CNIH3: variants seen among roughly 807,000 people sequenced by gnomAD.
CNIH3 encodes cornichon family AMPA receptor auxiliary protein 3, also known as protein cornichon homolog 3.
In CNIH3, 14 loss-of-function variants were observed where a neutral mutation model predicts 24.1. The ratio of observed to expected loss-of-function variants is 0.58; its 90% CI spans 0.38 to 0.91. The LOEUF is 0.91. Ranked by LOEUF, CNIH3 falls within the 40% of genes least tolerant of loss-of-function variation. The pLI is 0.00. For synonymous variants in CNIH3, 68 were observed against 73.8 expected, an observed-to-expected ratio of 0.92 and a Z score of 0.40; for missense variants, 178 against 196.8, an observed-to-expected ratio of 0.90 and a Z score of 0.57.
intron 3 of CNIH3, among the ~76,000 whole-genome samples, chr1:224,595,390 C>T (rs1167282482): frequency 2.0e-5 from 3 of 152,172 alleles, no homozygotes; most frequent in Non-Finnish European, 2.9e-5. Flanking sequence ...CGTTTTGGGG[C>T]ACCACAAATT....
chr1:224,587,730 G>A (rs1348011301), intron 5 of CNIH3, among the ~76,000 whole-genome samples: 1 of 152,064 alleles, frequency 6.6e-6, no homozygotes, highest in African/African-American at 2.4e-5. Flanking sequence ...CTTGAGCCCA[G>A]GAGTTTGAGA....
At chr1:224,457,957 G>C (rs913194304) in intron 1 of CNIH3, among the ~76,000 whole-genome samples, 2 of 152,158 alleles carry the variant, frequency 1.3e-5, no homozygotes, top group Non-Finnish European at 2.9e-5. Context: ...AGCTAGGTGT[G>C]GGGAGGAAGC....
intron 1 of CNIH3, among the ~76,000 whole-genome samples, chr1:224,635,924 C>T (rs1401820712): frequency 3.9e-5 from 6 of 152,118 alleles, no homozygotes; most frequent in East Asian, 1.9e-4. Flanking sequence ...CCGTTGCCCA[C>T]GTTGATCTTG....
chr1:224,614,208 G>A (rs992516325), upstream of CNIH3, among the ~76,000 whole-genome samples: 2 of 152,088 alleles, frequency 1.3e-5, no homozygotes, highest in African/African-American at 4.8e-5. Context: ...ATGCAAGAAC[G>A]GCCTAATACA....
chr1:224,667,162 C>G (rs1461174097), intron 1 of CNIH3, among the ~76,000 whole-genome samples: 1 of 152,044 alleles, frequency 6.6e-6, no homozygotes, highest in Non-Finnish European at 1.5e-5. Context: ...TGGCACAGTC[C>G]CAGATACTGG....
At chr1:224,700,733 A>G (rs1231102226) in intron 3 of CNIH3, among the ~76,000 whole-genome samples, 3 of 152,176 alleles carry the variant, frequency 2.0e-5, no homozygotes, top group African/African-American at 7.2e-5. Flanking sequence ...CTGCCTCTCC[A>G]TGCTACCACA....
intron 1 of CNIH3, among the ~76,000 whole-genome samples, chr1:224,647,921 T>C (rs1684689240): frequency 6.6e-6 from 1 of 152,184 alleles, no homozygotes; most frequent in Non-Finnish European, 1.5e-5. Context: ...TCAGCCAGGC[T>C]TTGGAACTGT....
At chr1:224,612,228 C>A (rs1682734297), upstream of CNIH3, among the ~76,000 whole-genome samples, 1 of 152,106 alleles carries the variant, frequency 6.6e-6, no homozygotes, top group South Asian at 2.1e-4. This position sits in a 1 kb window ranked among gnomAD's most constrained non-coding sequence, Gnocchi z 4.7. Context: ...GCATCAAAGA[C>A]CTAATAAGAG....
At position 224,441,086 on chromosome 1, in the gene CNIH3, G is replaced by T. The variant is rs1469890210; in HGVS notation, n.203+6224G>T. 5.9e-5 allele frequency among the ~76,000 whole-genome samples: 9 copies of T among 152,170 alleles called. No homozygotes were observed. In the South Asian group the frequency reaches 1.9e-3, roughly 32 times the overall value. On this transcript the variant is annotated intron_variant and non_coding_transcript_variant, in intron 1 of 5. Transcript: ENST00000471578. ...CCCCCTCGGCCTCCCAAAGTGTTAGGATTACAGGCGTGAGCCACCGTGCCC... is the reference window on the plus strand; with the variant it reads ...CCCCCTCGGCCTCCCAAAGTGTTAGTATTACAGGCGTGAGCCACCGTGCCC...
rs536803463 is a variant in CNIH3 at position 224,711,339 on chromosome 1, A to G, written c.199-19123A>G. 3.6e-3 allele frequency among the ~76,000 whole-genome samples: 493 copies of G among 135,470 alleles called. 3 individuals are homozygous for G. The highest frequency in any genetic ancestry group is 6.4e-3 in the Non-Finnish European group (405 of 63,404). The allele number at this position is 135,470 out of a possible 152,430, so 88.9% of individuals were successfully genotyped here. A position where few individuals can be genotyped will look rare whatever the true frequency, so the allele number is the denominator to read the frequency against. ...CTCTCTCTCTCTTTTTTTTTTTTGG[A>G]GACAGGGTTTTTGTTCTGTCGCCCA... On this transcript the variant is annotated intron_variant, in intron 3 of 5. Transcript: ENST00000272133.
chr1:224,485,993 C>T (rs191441279), intron 1 of CNIH3, among the ~76,000 whole-genome samples: 14 of 152,106 alleles, frequency 9.2e-5, no homozygotes, highest in Admixed American at 3.9e-4. Context: ...ATGGAAGGGA[C>T]GCTTTCCCTT....
intron 3 of CNIH3, among the ~76,000 whole-genome samples, chr1:224,594,673 G>A (rs775303687): frequency 6.6e-6 from 1 of 152,124 alleles, no homozygotes; most frequent in African/African-American, 2.4e-5. Context: ...TTTTGGATTG[G>A]GCAATTTGCA....
intron 1 of CNIH3, among the ~76,000 whole-genome samples, chr1:224,492,462 A>G (rs937779994): frequency 6.6e-6 from 1 of 152,232 alleles, no homozygotes; most frequent in Non-Finnish European, 1.5e-5. Context: ...ATTGAGCCTA[A>G]GTAAATAACC....
At chr1:224,493,473 C>G (rs769576031) in intron 1 of CNIH3, among the ~76,000 whole-genome samples, 1 of 151,862 alleles carries the variant, frequency 6.6e-6, no homozygotes, top group Non-Finnish European at 1.5e-5. Flanking sequence ...CAACCTACCC[C>G]GAGGGCTCAA....
At chr1:224,683,856 A>G (rs1231160779) in intron 2 of CNIH3, among the ~76,000 whole-genome samples, 1 of 152,236 alleles carries the variant, frequency 6.6e-6, no homozygotes, top group African/African-American at 2.4e-5. Flanking sequence ...GCGTGTGCAC[A>G]TGTGAGGAGG....
At chr1:224,540,957 C>T (rs2124948840), downstream of CNIH3, among the ~76,000 whole-genome samples, 1 of 152,254 alleles carries the variant, frequency 6.6e-6, no homozygotes, top group East Asian at 1.9e-4. Flanking sequence ...AGATAGAACG[C>T]ATTTTCTTAT....
intron 1 of CNIH3, among the ~76,000 whole-genome samples, chr1:224,439,324 A>G (rs892592671): frequency 2.2e-4 from 34 of 152,202 alleles, no homozygotes; most frequent in African/African-American, 8.2e-4. Context: ...AGCAGTGAAC[A>G]GTTAGACATA....
At chr1:224,707,512 C>T (rs1687888775) in intron 3 of CNIH3, among the ~76,000 whole-genome samples, 1 of 129,562 alleles carries the variant, frequency 7.7e-6, no homozygotes, top group South Asian at 2.7e-4. Context: ...AGCTTTTCTT[C>T]TCTCTCTACT....
chr1:224,694,152 C>T (rs943606359), intron 3 of CNIH3, among the ~76,000 whole-genome samples: 4 of 152,236 alleles, frequency 2.6e-5, no homozygotes, highest in Admixed American at 6.5e-5. Context: ...CAGCTGCCAG[C>T]TCCTTTGCAG....
Sources: gnomAD v4.1 joint callset for allele counts (sites outside exome capture counted in the v4.1 genomes callset) on GRCh38, gnomAD v4.1.1 for gene constraint, Gnocchi (gnomAD v3.1) non-coding constraint, MANE v1.5 for transcripts, NCBI Gene and HGNC (gene_info 2026-07-23, HGNC 2026-07-21) for gene names.